Variants in MYO16 observed in about 807,000 individuals in gnomAD.
MYO16 encodes the protein myosin XVI.
MYO16 carries 94 observed loss-of-function variants against 205.3 expected under a neutral mutation model. That is an observed-to-expected ratio of 0.46 (90% CI 0.39 to 0.54). The LOEUF is 0.54. Among genes scored for constraint, MYO16 ranks in the 20% least tolerant of loss-of-function variants. MYO16 has a pLI of 0.00. For synonymous variants in MYO16, 988 were observed against 954.0 expected (o/e 1.04, Z -0.66); for missense variants, 2,315 against 2,387.5 (o/e 0.97, Z 0.63).
At chr13:108,919,759 C>T (rs573312137) in intron 16 of MYO16, among the ~76,000 whole-genome samples, 3 of 152,298 alleles carry the variant, frequency 2.0e-5, no homozygotes, top group Non-Finnish European at 4.4e-5. Context: ...TGTTGGTCTA[C>T]GTCCTTGATT....
chr13:109,046,849 T>A, intron 23 of MYO16, 67 bp from the exon 24 acceptor site: 1 of 1,352,664 alleles, frequency 7.4e-7, no homozygotes, highest in Non-Finnish European at 1.1e-6. Flanking sequence ...CAAGTTATCC[T>A]TTAAAGGAAT....
At chr13:108,631,544 T>C (rs1879981918) in intron 1 of MYO16, among the ~76,000 whole-genome samples, 1 of 152,218 alleles carries the variant, frequency 6.6e-6, no homozygotes, top group South Asian at 2.1e-4. Flanking sequence ...TAAACATTCC[T>C]GATGCATTTC....
intron 15 of MYO16, among the ~76,000 whole-genome samples, chr13:108,902,763 G>C (rs960217829): frequency 3.3e-5 from 5 of 152,208 alleles, no homozygotes; most frequent in African/African-American, 1.2e-4. Context: ...CATTGGATTA[G>C]GACACACCCT....
At chr13:108,535,740 C>G in the MYO16 span, among the ~76,000 whole-genome samples, 9 of 152,082 alleles carry the variant, frequency 5.9e-5, no homozygotes, top group Admixed American at 2.0e-4. Context: ...CAGGTCAAAC[C>G]AGAATTCAAG....
At chr13:108,957,466 G>T (rs775720816) in intron 16 of MYO16, among the ~76,000 whole-genome samples, 54 of 150,858 alleles carry the variant, frequency 3.6e-4, no homozygotes, top group Non-Finnish European at 5.0e-4. Context: ...GATGAAAACC[G>T]AGTAAAGCAA....
At chr13:109,079,782 A>G (rs1251131731) in intron 27 of MYO16, among the ~76,000 whole-genome samples, 2 of 152,156 alleles carry the variant, frequency 1.3e-5, no homozygotes, top group Admixed American at 6.6e-5. Context: ...TGAATAAAAT[A>G]AATTGCCCCT....
intron 4 of MYO16, among the ~76,000 whole-genome samples, chr13:108,744,829 C>A (rs866759199): frequency 6.6e-6 from 1 of 152,134 alleles, no homozygotes; most frequent in Non-Finnish European, 1.5e-5. Context: ...CTGTTAGTGG[C>A]CTTTGAAGAC....
chr13:108,619,441 A>C (rs576182249), intron 1 of MYO16, among the ~76,000 whole-genome samples: 1 of 152,232 alleles, frequency 6.6e-6, no homozygotes, highest in South Asian at 2.1e-4. Flanking sequence ...TTTTCTTGAC[A>C]CTTTCCTTCT....
intron 9 of MYO16, among the ~76,000 whole-genome samples, chr13:108,837,560 G>T (rs1156571915): frequency 6.6e-6 from 1 of 152,146 alleles, no homozygotes; most frequent in African/African-American, 2.4e-5. Context: ...TACATACTTA[G>T]ATATTACCTA....
At chr13:108,991,496 A>G (rs1286037373) in intron 20 of MYO16, among the ~76,000 whole-genome samples, 1 of 152,276 alleles carries the variant, frequency 6.6e-6, no homozygotes, top group African/African-American at 2.4e-5. Context: ...AAGAACATGC[A>G]TGTGACTTAA....
chr13:108,781,230 A>G lies in MYO16; in HGVS notation c.508-4405A>G, dbSNP rs560593433. Reference sequence around the variant, plus strand: ...TAGATTTTACAATTAATTATTGAAAACAGTAATGGCATCCCTGCAGTTCTG... The same window carrying G: ...TAGATTTTACAATTAATTATTGAAAGCAGTAATGGCATCCCTGCAGTTCTG... On this transcript the variant is annotated intron_variant, in intron 4 of 34. Transcript: ENST00000457511. Among the ~76,000 whole-genome samples the G allele has an allele frequency of 6.6e-5, 10 of 152,300 alleles. 1 individual carries two copies. The South Asian group carries it at 2.1e-3, about 32-fold the overall frequency.
chr13:108,987,203 G>C (rs544241790), intron 20 of MYO16, among the ~76,000 whole-genome samples: 48 of 152,332 alleles, frequency 3.2e-4, no homozygotes, highest in African/African-American at 1.1e-3. Flanking sequence ...ATACCATATA[G>C]AATAGAGAAG....
chr13:108,761,728 G>A (rs932405105), intron 4 of MYO16, among the ~76,000 whole-genome samples: 10 of 152,300 alleles, frequency 6.6e-5, no homozygotes, highest in South Asian at 2.1e-4. Flanking sequence ...CTGAGGGATC[G>A]TCTATTTCCA....
chr13:109,205,307 T>G (rs758348753), intron 34 of MYO16, among the ~76,000 whole-genome samples: 3 of 152,162 alleles, frequency 2.0e-5, no homozygotes, highest in Admixed American at 6.5e-5. Context: ...GCCTTTAAAA[T>G]CCTCTTTCTG....
intron 27 of MYO16, among the ~76,000 whole-genome samples, chr13:109,083,617 C>T (rs1028493522): frequency 1.3e-5 from 2 of 152,030 alleles, no homozygotes; most frequent in African/African-American, 4.8e-5. Context: ...TCAAAAGCTC[C>T]ATGACCTCTA....
chr13:108,825,341 C>T (rs1876193705), intron 9 of MYO16, among the ~76,000 whole-genome samples: 1 of 151,874 alleles, frequency 6.6e-6, no homozygotes, highest in Admixed American at 6.6e-5. Flanking sequence ...AAGCCCAACA[C>T]CCTTTTATGA....
At chr13:109,201,161 G>A (rs1446793730) in intron 34 of MYO16, among the ~76,000 whole-genome samples, 1 of 151,974 alleles carries the variant, frequency 6.6e-6, no homozygotes, top group African/African-American at 2.4e-5. Flanking sequence ...TTATTTCACT[G>A]TTACATTAAC....
chr13:108,508,357 G>T, the MYO16 span, among the ~76,000 whole-genome samples: 171 of 152,152 alleles, frequency 1.1e-3, no homozygotes, highest in Middle Eastern at 3.4e-3. Flanking sequence ...GCCTCTCAAA[G>T]CTTTTTTGGG....
intron 22 of MYO16, among the ~76,000 whole-genome samples, chr13:109,011,721 G>A (rs531779935): frequency 6.6e-6 from 1 of 152,004 alleles, no homozygotes; most frequent in South Asian, 2.1e-4. Context: ...CACCATGTTG[G>A]CCAGGATGGT....
Sources: allele counts gnomAD v4.1 joint callset (sites outside exome capture counted in the v4.1 genomes callset), GRCh38; gene constraint gnomAD v4.1.1; transcripts MANE v1.5; gene names NCBI Gene and HGNC (gene_info 2026-07-23, HGNC 2026-07-21).